ATP9B: variants seen among roughly 807,000 people sequenced by gnomAD.
ATP9B encodes the protein probable phospholipid-transporting ATPase IIB.
A neutral mutation model predicts 146.1 loss-of-function variants in ATP9B; 110 were observed. The observed-to-expected ratio is 0.75, with a 90% CI of 0.65 to 0.88. The LOEUF (loss-of-function observed/expected upper bound fraction) is 0.88, where lower values mean the gene tolerates loss of function less well. ATP9B is among the 40% of genes least tolerant of loss of function. The pLI is 0.00. For synonymous variants in ATP9B, 604 were observed against 569.7 expected (o/e 1.06, Z -0.86); for missense variants, 1,499 against 1,496.4 (o/e 1.00, Z -0.03).
chr18:79,239,930 C>G lies in ATP9B; in HGVS notation c.1108-13451C>G, dbSNP rs1418660799. ...GGAGAGGCTTGCTCTGCCTGCGTCC[C>G]CATCAGCGGTGACCAGCAGATCACC... On this transcript the variant is annotated intron_variant, in intron 11 of 29. Transcript: ENST00000426216. This position sits in a 1 kb window ranked among gnomAD's most constrained non-coding sequence, Gnocchi z 5.1. Among the ~76,000 whole-genome samples, 3 of 152,200 alleles carry G rather than the reference C, an allele frequency of 2.0e-5. No individual in the cohort carries two copies. Among genetic ancestry groups the G allele is most frequent in the Admixed American group, 6.5e-5 (1 of 15,282 alleles).
At chr18:79,339,388 G>A (rs758174217) in intron 19 of ATP9B, among the ~76,000 whole-genome samples, 3 of 149,590 alleles carry the variant, frequency 2.0e-5, no homozygotes, top group Non-Finnish European at 4.4e-5. Context: ...GCAGTAGGAA[G>A]TGTGCATGAT....
At position 79,367,395 on chromosome 18, in the gene ATP9B, C is replaced by T. The variant is rs1225277369; in HGVS notation, c.3013-5430C>T. ...CACTGTGTGTACGCAGAGAAAGTGC[C>T]TCCTCAACCAGAGAGCACACATATC... is the stretch of plus-strand genomic sequence containing the variant. On this transcript the variant is annotated intron_variant, in intron 26 of 29. Coordinates refer to ENST00000426216, the MANE Select transcript of ATP9B (RefSeq NM_198531.5). Among the ~76,000 whole-genome samples the T allele has an allele frequency of 9.4e-5, 7 of 74,176 alleles. 2 individuals carry two copies. The highest frequency in any genetic ancestry group is 4.6e-4 in the African/African-American group (7 of 15,232). 48.7% of individuals were successfully genotyped at this position (74,176 alleles called of 152,430 possible). A position where few individuals can be genotyped will look rare whatever the true frequency, so the allele number is the denominator to read the frequency against.
In ATP9B at chr18:79,186,567, A is replaced by G. The variant is rs544082900; in HGVS notation, c.874-6616A>G. ...TTTTGAAAATTACTGTGACAGTGTC[A>G]TATTTAAATGATGAGTGATTCTCAG... is the stretch of plus-strand genomic sequence containing the variant. On this transcript the variant is annotated intron_variant, in intron 8 of 29. Transcript: ENST00000426216. Among the ~76,000 whole-genome samples, 40 of 152,336 alleles carry G rather than the reference A, an allele frequency of 2.6e-4. No homozygotes were observed. In the South Asian group the frequency reaches 5.4e-3, roughly 21 times the overall value.
At chr18:79,311,560 T>C (rs527401440) in intron 15 of ATP9B, among the ~76,000 whole-genome samples, 1 of 152,350 alleles carries the variant, frequency 6.6e-6, no homozygotes, top group African/African-American at 2.4e-5. Context: ...TACATAGGCA[T>C]TTTTCTTTTT....
chr18:79,069,489 A>G lies in ATP9B; in HGVS notation c.79A>G (p.Ser27Gly). 6.8e-7 allele frequency: 1 copy of G among 1,474,608 alleles called. No homozygotes were observed. Among genetic ancestry groups the G allele is most frequent in the Non-Finnish European group, 9.0e-7 (1 of 1,112,726 alleles). The allele number at this position is 1,474,608 out of a possible 1,614,324, so 91.3% of individuals were successfully genotyped here. A position where few individuals can be genotyped will look rare whatever the true frequency, so the allele number is the denominator to read the frequency against. Residue 27 changes from serine (S) to glycine (G), a missense_variant, in exon 1 of 30, where the codon AGC (serine) becomes GGC (glycine). Coordinates refer to ENST00000426216, the MANE Select transcript of ATP9B (RefSeq NM_198531.5). ...CAACCGCAAACGCGCGGCCTACTAC[A>G]GCGCCGCGGGGCCCAGGCCGGGAGC... Reference protein sequence around the residue: ...AANRKRAAYYSAAGPRPGADR... With the variant: ...AANRKRAAYYGAAGPRPGADR...
chr18:79,109,013 A>G (rs918756884), intron 2 of ATP9B, among the ~76,000 whole-genome samples: 8 of 152,224 alleles, frequency 5.3e-5, no homozygotes, highest in East Asian at 1.9e-4. Context: ...GGAGACAGCA[A>G]TTCTGAGATG....
intron 1 of ATP9B, among the ~76,000 whole-genome samples, chr18:79,096,219 G>A (rs563308784): frequency 3.3e-5 from 5 of 152,222 alleles, no homozygotes; most frequent in Admixed American, 2.0e-4. Context: ...CTGCCCATCC[G>A]CACCACAGAT....
At chr18:79,255,860 T>C (rs1331018665) in intron 12 of ATP9B, among the ~76,000 whole-genome samples, 5 of 152,236 alleles carry the variant, frequency 3.3e-5, no homozygotes, top group Admixed American at 3.3e-4. Flanking sequence ...CCAAAATATG[T>C]TGATAGACAC....
chr18:79,152,089 G>A (rs1351084481), intron 6 of ATP9B, among the ~76,000 whole-genome samples: 1 of 152,182 alleles, frequency 6.6e-6, no homozygotes. Flanking sequence ...ATCATCATTG[G>A]TCATTAGAGA....
intron 15 of ATP9B, among the ~76,000 whole-genome samples, chr18:79,314,102 T>C (rs1188168667): frequency 6.6e-6 from 1 of 152,212 alleles, no homozygotes; most frequent in Non-Finnish European, 1.5e-5. Context: ...TGGAGCTTTA[T>C]TTAGGGAAAT....
rs376825693 is a variant in ATP9B, at chr18:79,225,623, G to A, written c.1107+11585G>A. Among the ~76,000 whole-genome samples the A allele has an allele frequency of 1.5e-4, 23 of 149,776 alleles. No homozygotes were observed. The East Asian group carries it at 3.8e-3, about 25-fold the overall frequency. On this transcript the variant is annotated intron_variant, in intron 11 of 29. Coordinates refer to ENST00000426216, the MANE Select transcript of ATP9B (RefSeq NM_198531.5). ...TCGCAGGGCGGCCACTGTCTTCAGC[G>A]TCTGAGTGACTGTTGGGTCCCGCAG...
chr18:79,362,898 C>A (rs1476569911), intron 26 of ATP9B: 1 of 152,222 alleles, frequency 6.6e-6, no homozygotes, highest in African/African-American at 2.4e-5. Flanking sequence ...ACCATTCGGA[C>A]CCCTTCACTA....
At chr18:79,174,063 A>G (rs1568331523) in intron 7 of ATP9B, 2 of 298,316 alleles carry the variant, frequency 6.7e-6, no homozygotes, top group Non-Finnish European at 1.3e-5. Flanking sequence ...CTCTTGTAGA[A>G]TCATCATCAT....
chr18:79,098,701 T>C lies in ATP9B; in HGVS notation c.293+2052T>C, dbSNP rs1419558452. Among the ~76,000 whole-genome samples, 7 of 152,346 alleles carry C rather than the reference T, an allele frequency of 4.6e-5. No individual in the cohort carries two copies. In the East Asian group the frequency reaches 1.4e-3, roughly 29 times the overall value. The stretch of plus-strand genomic sequence containing the variant: ...GAAATTTAACATTGATACAATGCTT[T>C]GTATCTACTTTAAGTTTATATTTCA... On this transcript the variant is annotated intron_variant, in intron 2 of 29. Coordinates refer to ENST00000426216, the MANE Select transcript of ATP9B (RefSeq NM_198531.5).
chr18:79,147,764 T>C (rs1385975973), intron 6 of ATP9B, among the ~76,000 whole-genome samples: 2 of 151,748 alleles, frequency 1.3e-5, no homozygotes, highest in Non-Finnish European at 2.9e-5. Context: ...TGCAAGAAAT[T>C]AGGAGAAGAC....
At chr18:79,089,139 G>A (rs2074101899) in intron 1 of ATP9B, among the ~76,000 whole-genome samples, 1 of 152,124 alleles carries the variant, frequency 6.6e-6, no homozygotes, top group Non-Finnish European at 1.5e-5. Context: ...AGGGATAAAA[G>A]ACTACAAATT....
intron 13 of ATP9B, among the ~76,000 whole-genome samples, chr18:79,298,329 C>G (rs2096567045): frequency 6.8e-6 from 1 of 146,268 alleles, no homozygotes; most frequent in East Asian, 2.0e-4. Flanking sequence ...TGAATATGTG[C>G]CAGCTGAGAT....
intron 12 of ATP9B, among the ~76,000 whole-genome samples, chr18:79,262,829 T>C (rs2096157949): frequency 6.6e-6 from 1 of 152,252 alleles, no homozygotes; most frequent in Admixed American, 6.5e-5. Context: ...ATGTTTCCTT[T>C]TATACTTTTT....
intron 26 of ATP9B, among the ~76,000 whole-genome samples, chr18:79,366,864 G>A (rs1462546827): frequency 6.6e-6 from 1 of 152,244 alleles, no homozygotes; most frequent in African/African-American, 2.4e-5. Flanking sequence ...AGGAACTGCT[G>A]AACAAGAATC....
Sources: allele counts gnomAD v4.1 joint callset (sites outside exome capture counted in the v4.1 genomes callset), GRCh38; gene constraint gnomAD v4.1.1; non-coding constraint Gnocchi (gnomAD v3.1); transcripts MANE v1.5; gene names NCBI Gene and HGNC (gene_info 2026-07-23, HGNC 2026-07-21).